Variants in SEMA3E observed in about 807,000 individuals in gnomAD.
SEMA3E encodes the protein semaphorin-3E.
A neutral mutation model predicts 93.6 loss-of-function variants in SEMA3E; 49 were observed. The observed-to-expected ratio is 0.52, with a 90% CI of 0.42 to 0.66. The LOEUF (loss-of-function observed/expected upper bound fraction) is 0.66, where lower values mean the gene tolerates loss of function less well. Ranked by LOEUF, SEMA3E falls within the 30% of genes least tolerant of loss-of-function variation. The pLI, the probability that SEMA3E is intolerant of heterozygous loss-of-function variation, is 0.00. For synonymous variants in SEMA3E, 363 were observed against 330.7 expected (o/e 1.10, Z -1.06); for missense variants, 906 against 964.8 (o/e 0.94, Z 0.81).
chr7:83,457,657 T>C (rs111714391), intron 4 of SEMA3E, among the ~76,000 whole-genome samples: 3 of 146,466 alleles, frequency 2.0e-5, no homozygotes, highest in African/African-American at 8.3e-5. Context: ...AATAGCCTCC[T>C]TAAATTTCTC....
intron 9 of SEMA3E, 50 bp from the exon 10 acceptor site, chr7:83,402,826 A>T: frequency 6.5e-7 from 1 of 1,540,672 alleles, no homozygotes; most frequent in Non-Finnish European, 8.9e-7. Context: ...ACTGCAGGTC[A>T]TCTAGCCAAA....
At position 83,435,454 on chromosome 7, in the gene SEMA3E, G is replaced by A. The variant is rs190892603; in HGVS notation, c.457-16971C>T. On this transcript the variant is annotated intron_variant, in intron 4 of 16. Coordinates refer to ENST00000643230, the MANE Select transcript of SEMA3E (RefSeq NM_012431.3). ...ACTAAAAAAATACAAAAACTAGCTG[G>A]GCATGGTGGCACAAGCCTGTAATCC... 4.2e-3 allele frequency among the ~76,000 whole-genome samples: 646 copies of A among 152,066 alleles called. 1 individual carries two copies. The highest frequency in any genetic ancestry group is 7.2e-3 in the Non-Finnish European group (493 of 68,002).
At chr7:83,454,133 T>C (rs898267601) in intron 4 of SEMA3E, among the ~76,000 whole-genome samples, 7 of 150,408 alleles carry the variant, frequency 4.7e-5, no homozygotes, top group South Asian at 2.1e-4. Flanking sequence ...TGGCGGGCTC[T>C]TGTAGTCCCA....
At chr7:83,406,134 T>C (rs567779212) in intron 7 of SEMA3E, 75 bp from the exon 8 acceptor site, 5 of 1,056,412 alleles carry the variant, frequency 4.7e-6, no homozygotes, top group African/African-American at 4.7e-5. Flanking sequence ...TTATTAAACA[T>C]GCAGTTGCCA....
At chr7:83,424,007 T>C (rs149031690) in intron 4 of SEMA3E, among the ~76,000 whole-genome samples, 218 of 152,308 alleles carry the variant, frequency 1.4e-3, no homozygotes, top group African/African-American at 5.1e-3. Flanking sequence ...ATTAATTTTT[T>C]TAATAATGTA....
intron 2 of SEMA3E, among the ~76,000 whole-genome samples, chr7:83,477,145 T>A (rs1344965001): frequency 1.3e-5 from 2 of 152,158 alleles, no homozygotes; most frequent in Non-Finnish European, 2.9e-5. Flanking sequence ...ATGAAATAAT[T>A]TTTTAATTGT....
intron 14 of SEMA3E, among the ~76,000 whole-genome samples, chr7:83,389,944 A>G (rs7385231): frequency 4.0e-5 from 2 of 49,552 alleles, no homozygotes; most frequent in Admixed American, 4.6e-4. Context: ...ACATATATAC[A>G]CGTATATGTG....
chr7:83,464,182 G>A (rs1224418890), intron 4 of SEMA3E, among the ~76,000 whole-genome samples: 1 of 151,880 alleles, frequency 6.6e-6, no homozygotes, highest in East Asian at 1.9e-4. Flanking sequence ...ATGGACTAAA[G>A]GTCTTTTAAA....
At chr7:83,395,033 C>A (rs1023988530) in intron 12 of SEMA3E, among the ~76,000 whole-genome samples, 1 of 152,166 alleles carries the variant, frequency 6.6e-6, no homozygotes, top group African/African-American at 2.4e-5. Context: ...CTTTGAAAAG[C>A]TGTTTGTTAA....
At chr7:83,602,285 A>G (rs1010945329) in intron 1 of SEMA3E, among the ~76,000 whole-genome samples, 6 of 152,192 alleles carry the variant, frequency 3.9e-5, no homozygotes, top group Admixed American at 3.3e-4. Context: ...AACAAGTCAT[A>G]TTCTCTGTCA....
intron 4 of SEMA3E, among the ~76,000 whole-genome samples, chr7:83,450,416 T>TAAAA (rs10653080): frequency 0.57 from 86,000 of 150,972 alleles, 27,135 homozygotes; most frequent in East Asian, 0.79. Context: ...TGTAAATAAA[T>TAAAA]TACAGTAATG....
At chr7:83,453,561 T>G (rs1319871108) in intron 4 of SEMA3E, among the ~76,000 whole-genome samples, 1 of 152,072 alleles carries the variant, frequency 6.6e-6, no homozygotes, top group Non-Finnish European at 1.5e-5. Flanking sequence ...GAAAAACTCA[T>G]AGACTGAGAC....
chr7:83,514,359 C>T (rs575155406), intron 1 of SEMA3E, among the ~76,000 whole-genome samples: 38 of 152,004 alleles, frequency 2.5e-4, no homozygotes, highest in Non-Finnish European at 1.0e-4. Flanking sequence ...TTTTTTCTTG[C>T]GTGAGATCCA....
At chr7:83,408,328 A>G in intron 6 of SEMA3E, 40 bp downstream of exon 6, 1 of 1,612,864 alleles carries the variant, frequency 6.2e-7, no homozygotes, top group Non-Finnish European at 8.5e-7. Flanking sequence ...TTTAGAGTTG[A>G]TTTCAATCCT....
chr7:83,454,272 A>AAAAAAAAAAAATATAT (rs1257792756), intron 4 of SEMA3E, among the ~76,000 whole-genome samples: 11 of 110,112 alleles, frequency 1.0e-4, no homozygotes, highest in African/African-American at 4.8e-4. Flanking sequence ...AAAAAAAAAA[A>AAAAAAAAAAAATATAT]ATATATATAT....
At chr7:83,575,608 G>A (rs756038736) in intron 1 of SEMA3E, among the ~76,000 whole-genome samples, 16 of 151,960 alleles carry the variant, frequency 1.1e-4, no homozygotes, top group African/African-American at 1.5e-4. Context: ...TGTCAGCCCC[G>A]GGCCTCATAA....
intron 1 of SEMA3E, among the ~76,000 whole-genome samples, chr7:83,498,835 TGATAAA>T (rs1422361952): frequency 2.0e-5 from 3 of 152,208 alleles, no homozygotes; most frequent in African/African-American, 7.2e-5. Flanking sequence ...AGGTTTAGAG[TGATAAA>T]GATAAACTTC....
chr7:83,608,868 T>C (rs916742586), intron 1 of SEMA3E, among the ~76,000 whole-genome samples: 1 of 152,110 alleles, frequency 6.6e-6, no homozygotes, highest in African/African-American at 2.4e-5. Context: ...CCAAGTCTCA[T>C]TGTTTGAGAG....
At chr7:83,481,760 T>C (rs1028450672) in intron 2 of SEMA3E, among the ~76,000 whole-genome samples, 1 of 152,214 alleles carries the variant, frequency 6.6e-6, no homozygotes, top group Non-Finnish European at 1.5e-5. Flanking sequence ...AAAGCCATTA[T>C]CTAAAAACAC....
Sources: gnomAD v4.1 joint callset for allele counts (sites outside exome capture counted in the v4.1 genomes callset) on GRCh38, gnomAD v4.1.1 for gene constraint, MANE v1.5 for transcripts, NCBI Gene and HGNC (gene_info 2026-07-23, HGNC 2026-07-21) for gene names.